The following LRRC37A3 variants were observed in gnomAD, a reference collection of about 807,000 sequenced individuals.
LRRC37A3 encodes leucine-rich repeat-containing protein 37A3.
LRRC37A3 carries 25 observed loss-of-function variants against 106.2 expected under a neutral mutation model. That is an observed-to-expected ratio of 0.24 (90% confidence interval 0.17 to 0.33). The LOEUF is 0.33. Ranked by LOEUF, LRRC37A3 falls within the 10% of genes least tolerant of loss-of-function variation. The probability of loss-of-function intolerance (pLI) is 1.00; values close to 1 mark genes in which losing one functional copy is unlikely to be tolerated. For synonymous variants in LRRC37A3, 305 were observed against 635.8 expected (o/e 0.48, Z 7.83); for missense variants, 712 against 1,644.9 (o/e 0.43, Z 9.81).
At chr17:64,864,645 A>G (rs560130077) in intron 10 of LRRC37A3, among the ~76,000 whole-genome samples, 32 of 151,868 alleles carry the variant, frequency 2.1e-4, no homozygotes, top group African/African-American at 7.7e-4. Context: ...TAGCCAGACT[A>G]TGCTTCAATC....
intron 14 of LRRC37A3, 152 bp downstream of exon 14, chr17:64,855,688 G>C (rs1164824252): frequency 1.7e-6 from 2 of 1,149,396 alleles, no homozygotes; most frequent in Non-Finnish European, 2.5e-6. Flanking sequence ...TGTAATCCCA[G>C]CTACTCGGGA....
At chr17:64,857,667 A>G (rs1972723856) in intron 13 of LRRC37A3, among the ~76,000 whole-genome samples, 1 of 152,206 alleles carries the variant, frequency 6.6e-6, no homozygotes, top group Non-Finnish European at 1.5e-5. Context: ...CAAAGGGACT[A>G]GGCTCAGCAG....
At chr17:64,855,156 G>C (rs1252729223) in intron 14 of LRRC37A3, among the ~76,000 whole-genome samples, 1 of 151,972 alleles carries the variant, frequency 6.6e-6, no homozygotes, top group Non-Finnish European at 1.5e-5. Context: ...TGCATAAAAG[G>C]AATAGAGTAG....
At position 64,860,980 on chromosome 17, in the gene LRRC37A3, A is replaced by G. The variant is rs766401880; in HGVS notation, c.3173-7T>C. 6.2e-7 allele frequency: 1 copy of G among 1,613,888 alleles called. No homozygotes were observed. The highest frequency in any genetic ancestry group is 1.1e-5 in the South Asian group (1 of 91,078). On this transcript the variant is annotated splice_polypyrimidine_tract_variant and splice_region_variant and intron_variant, in intron 11 of 14. Transcript: ENST00000584306. ...CCTACAGATGCTTCTTCAGCTGTCA[A>G]AAAAGAAGAGACTGCTTTGATCATG...
chr17:64,917,233 C>A (rs1974725327), intron 2 of LRRC37A3, among the ~76,000 whole-genome samples: 1 of 112,726 alleles, frequency 8.9e-6, no homozygotes. Context: ...GTAACAGAGC[C>A]AGACTCCATC....
intron 10 of LRRC37A3, 113 bp downstream of exon 10, chr17:64,868,349 C>T (rs370151202): frequency 4.1e-5 from 28 of 677,796 alleles, no homozygotes; most frequent in African/African-American, 3.8e-4. Flanking sequence ...ACTTAAAAAG[C>T]GTGAATGTTA....
chr17:64,870,542 C>G (rs1443849161), intron 8 of LRRC37A3, among the ~76,000 whole-genome samples: 1 of 151,854 alleles, frequency 6.6e-6, no homozygotes, highest in African/African-American at 2.4e-5. Flanking sequence ...CAGTGAGTAT[C>G]TACTGGGTTG....
chr17:64,917,195 G>A (rs1974723465), intron 2 of LRRC37A3, among the ~76,000 whole-genome samples: 1 of 136,860 alleles, frequency 7.3e-6, no homozygotes, highest in African/African-American at 2.8e-5. Context: ...GCAGTGAGCC[G>A]AGATCGCGCC....
At position 64,858,834 on chromosome 17, in the gene LRRC37A3, G is replaced by T; in HGVS notation, c.4754C>A (p.Ala1585Glu). Residue 1585 changes from alanine (A) to glutamate (E), a missense_variant, in exon 13 of 15, where the codon GCG becomes GAG. Physicochemically the swap from Ala to Glu is moderately radical, Grantham distance 107. Coordinates refer to ENST00000584306, the MANE Select transcript of LRRC37A3 (RefSeq NM_199340.5). ...CGTTAGTATTCCAGTCACAATTAAC[G>T]CCAAGATGAGTTTTTTGGTATAGCC... The part of the protein sequence containing the change: ...GYGYTKKLIL[A>E]LIVTGILTIL... 1 of 1,612,880 alleles carries T rather than the reference G, an allele frequency of 6.2e-7. No individual in the cohort carries two copies. The highest frequency in any genetic ancestry group is 1.7e-4 in the Middle Eastern group (1 of 6,058).
At chr17:64,866,368 G>A (rs183561857) in intron 10 of LRRC37A3, among the ~76,000 whole-genome samples, 124 of 151,238 alleles carry the variant, frequency 8.2e-4, no homozygotes, top group Non-Finnish European at 1.4e-3. Flanking sequence ...AAAAATGAAC[G>A]GAGCAGAGTG....
In LRRC37A3 at chr17:64,901,351, A is replaced by G. The variant is rs1402510520; in HGVS notation, c.-495-2892T>C. ...GTCGAAGTAAGTTCAAATCCAAAATAGAGACCACTGGGCTAGTAGACACTT... is the reference window on the plus strand; with the variant it reads ...GTCGAAGTAAGTTCAAATCCAAAATGGAGACCACTGGGCTAGTAGACACTT... On this transcript the variant is annotated intron_variant, in intron 2 of 14. Transcript: ENST00000584306. The G allele has an allele frequency of 9.3e-5, 14 of 150,700 alleles. 1 individual carries two copies. Among genetic ancestry groups the G allele is most frequent in the African/African-American group, 3.5e-4 (14 of 40,014 alleles). 9.3% of individuals were successfully genotyped at this position (150,700 alleles called of 1,614,324 possible).
chr17:64,918,987 C>A, intron 1 of LRRC37A3, 117 bp from the exon 2 acceptor site: 1 of 1,213,796 alleles, frequency 8.2e-7, no homozygotes, highest in Non-Finnish European at 1.0e-6. Context: ...CCCCCGCCTC[C>A]CCCCGGCCGG....
chr17:64,857,019 A>AAGGGAAAGG (rs1275477238), intron 13 of LRRC37A3, among the ~76,000 whole-genome samples: 6 of 152,122 alleles, frequency 3.9e-5, no homozygotes, highest in Non-Finnish European at 8.8e-5. Context: ...GAAAAAGGAA[A>AAGGGAAAGG]AGGGAAAGGA....
At position 64,917,514 on chromosome 17, in the gene LRRC37A3, T is replaced by C. The variant is rs547424935; in HGVS notation, c.-496+1236A>G. ...CATAGGTGCCACAAACTAGAAATAATTGAAATATTCAACTATTGAACAGAT... is the reference window on the plus strand; with the variant it reads ...CATAGGTGCCACAAACTAGAAATAACTGAAATATTCAACTATTGAACAGAT... On this transcript the variant is annotated intron_variant, in intron 2 of 14. Transcript: ENST00000584306. Among the ~76,000 whole-genome samples the C allele has an allele frequency of 7.6e-4, 115 of 152,086 alleles. No homozygotes were observed. The South Asian group carries it at 9.5e-3, about 13-fold the overall frequency.
At chr17:64,899,493 C>A (rs1974242511) in intron 2 of LRRC37A3, among the ~76,000 whole-genome samples, 1 of 141,070 alleles carries the variant, frequency 7.1e-6, no homozygotes, top group African/African-American at 3.0e-5. Context: ...CTTACGGAAC[C>A]ACCATCATAT....
intron 11 of LRRC37A3, among the ~76,000 whole-genome samples, chr17:64,861,784 C>T (rs1446898562): frequency 6.6e-6 from 1 of 152,180 alleles, no homozygotes; most frequent in Non-Finnish European, 1.5e-5. Flanking sequence ...GCTTACTTTG[C>T]TTTCATTTCA....
intron 11 of LRRC37A3, among the ~76,000 whole-genome samples, chr17:64,862,220 T>A (rs1156413320): frequency 6.6e-6 from 1 of 152,124 alleles, no homozygotes; most frequent in Non-Finnish European, 1.5e-5. Flanking sequence ...TATCTGGACA[T>A]GAAAGCAGTC....
chr17:64,855,134 T>C (rs1486964490), intron 14 of LRRC37A3, among the ~76,000 whole-genome samples: 6 of 152,010 alleles, frequency 3.9e-5, no homozygotes, highest in African/African-American at 1.2e-4. Flanking sequence ...CTGGTTAAAA[T>C]TCTGTGAGGT....
chr17:64,870,616 G>T (rs1224551748), intron 8 of LRRC37A3, among the ~76,000 whole-genome samples: 1 of 151,820 alleles, frequency 6.6e-6, no homozygotes, highest in African/African-American at 2.4e-5. Context: ...ATTTTTAAAT[G>T]AGGAAACTGA....
Sources: allele counts gnomAD v4.1 joint callset (sites outside exome capture counted in the v4.1 genomes callset), GRCh38; gene constraint gnomAD v4.1.1; transcripts MANE v1.5; gene names NCBI Gene and HGNC (gene_info 2026-07-23, HGNC 2026-07-21).